KSR2: variants seen among roughly 807,000 people sequenced by gnomAD.
KSR2 encodes kinase suppressor of ras 2.
A neutral mutation model predicts 107.8 loss-of-function variants in KSR2; 25 were observed. The ratio of observed to expected loss-of-function variants is 0.23; its 90% CI spans 0.17 to 0.32. The LOEUF (loss-of-function observed/expected upper bound fraction) is 0.32, where lower values mean the gene tolerates loss of function less well. Ranked by LOEUF, KSR2 falls within the 10% of genes least tolerant of loss-of-function variation. KSR2 has a pLI of 1.00. For synonymous variants in KSR2, 480 were observed against 507.0 expected (o/e 0.95, Z 0.71); for missense variants, 887 against 1,268.9 (o/e 0.70, Z 4.57).
chr12:117,563,303 T>G (rs1014789005), intron 7 of KSR2, among the ~76,000 whole-genome samples: 2 of 152,140 alleles, frequency 1.3e-5, no homozygotes, highest in Admixed American at 1.3e-4. Flanking sequence ...ACATTCTACT[T>G]CCCAGATGAG....
intron 10 of KSR2, 99 bp downstream of exon 10, chr12:117,539,618 CAG>C (rs1167589053): frequency 8.4e-7 from 1 of 1,190,822 alleles, no homozygotes; most frequent in Non-Finnish European, 1.1e-6. Context: ...CGCTTTCCTG[CAG>C]AGACTTGCTG....
At chr12:117,481,605 C>T (rs1262560998) in intron 16 of KSR2, among the ~76,000 whole-genome samples, 1 of 152,134 alleles carries the variant, frequency 6.6e-6, no homozygotes, top group Non-Finnish European at 1.5e-5. Flanking sequence ...TTGTTTAAAC[C>T]CCTGAGTCTG....
In KSR2 at chr12:117,774,919, T is replaced by C. The variant is rs551282099; in HGVS notation, c.473-13395A>G. ...TTTATATGAATGGAATCCTACGCTA[T>C]GTGGTCTTTCGTGTCTGGCTTCTTT... On this transcript the variant is annotated intron_variant, in intron 3 of 19. Coordinates refer to ENST00000339824, the MANE Select transcript of KSR2 (RefSeq NM_173598.6). Among the ~76,000 whole-genome samples the C allele has an allele frequency of 7.2e-5, 11 of 152,352 alleles. No homozygotes were observed. The South Asian group carries it at 1.9e-3, about 26-fold the overall frequency.
At chr12:117,475,165 T>C (rs762610713) in intron 17 of KSR2, among the ~76,000 whole-genome samples, 1 of 152,186 alleles carries the variant, frequency 6.6e-6, no homozygotes, top group African/African-American at 2.4e-5. Flanking sequence ...AGTGATCTGA[T>C]TGATCTAAAA....
At chr12:117,737,938 T>C (rs1206911049) in intron 4 of KSR2, among the ~76,000 whole-genome samples, 1 of 152,138 alleles carries the variant, frequency 6.6e-6, no homozygotes, top group Non-Finnish European at 1.5e-5. Flanking sequence ...CCAGCGTACC[T>C]CTTAAAGTCA....
chr12:117,477,910 TA>T, intron 16 of KSR2, among the ~76,000 whole-genome samples: 1 of 152,284 alleles, frequency 6.6e-6, no homozygotes, highest in South Asian at 2.1e-4. Context: ...ATTCCTTAGG[TA>T]AATTCTTAGA....
chr12:117,697,714 T>C (rs536113129), intron 4 of KSR2, among the ~76,000 whole-genome samples: 1,529 of 133,400 alleles, frequency 0.011, 30 homozygotes, highest in Middle Eastern at 0.019. Flanking sequence ...CACCCTAGCC[T>C]GGGCAACAGA....
chr12:117,786,608 G>C (rs1238806359), intron 3 of KSR2, among the ~76,000 whole-genome samples: 2 of 152,116 alleles, frequency 1.3e-5, no homozygotes, highest in Non-Finnish European at 2.9e-5. Context: ...CTGAGCTCAG[G>C]AGTTTGAGAC....
chr12:117,642,355 T>C (rs921458158), intron 5 of KSR2, among the ~76,000 whole-genome samples: 2 of 152,170 alleles, frequency 1.3e-5, no homozygotes, highest in African/African-American at 4.8e-5. Flanking sequence ...GAAGGAGGAA[T>C]GACTCTTGAA....
intron 16 of KSR2, among the ~76,000 whole-genome samples, chr12:117,481,782 T>C (rs1872190913): frequency 6.6e-6 from 1 of 152,122 alleles, no homozygotes; most frequent in African/African-American, 2.4e-5. Flanking sequence ...CTCTCTCCAC[T>C]CCTATAATCC....
At chr12:117,797,204 T>G (rs1049016781) in intron 3 of KSR2, among the ~76,000 whole-genome samples, 1 of 152,146 alleles carries the variant, frequency 6.6e-6, no homozygotes, top group South Asian at 2.1e-4. Context: ...GCAGCCCTAT[T>G]CACAATAGCC....
chr12:117,528,362 G>T (rs528479035), intron 12 of KSR2, among the ~76,000 whole-genome samples: 55 of 152,210 alleles, frequency 3.6e-4, no homozygotes, highest in African/African-American at 1.3e-3. Flanking sequence ...GCTATTGAAG[G>T]CATGGAAGAG....
chr12:117,606,582 CTT>C, intron 5 of KSR2, among the ~76,000 whole-genome samples: 1 of 21,246 alleles, frequency 4.7e-5, no homozygotes, highest in East Asian at 4.5e-3. Flanking sequence ...CCTCCCTTCC[CTT>C]CTTCCTTCCT....
At chr12:117,781,781 G>C (rs1160140355) in intron 3 of KSR2, among the ~76,000 whole-genome samples, 1 of 152,066 alleles carries the variant, frequency 6.6e-6, no homozygotes, top group African/African-American at 2.4e-5. Flanking sequence ...ACCCTCCCTG[G>C]CACCCAGCCT....
intron 14 of KSR2, among the ~76,000 whole-genome samples, chr12:117,508,655 G>A (rs1365870461): frequency 6.6e-6 from 1 of 151,906 alleles, no homozygotes; most frequent in Non-Finnish European, 1.5e-5. Context: ...GGTGGGAAGT[G>A]GATAGGTGGA....
intron 1 of KSR2, among the ~76,000 whole-genome samples, chr12:117,908,507 A>G (rs1894921067): frequency 6.6e-6 from 1 of 152,246 alleles, no homozygotes; most frequent in South Asian, 2.1e-4. Flanking sequence ...TCCACAGCTT[A>G]GATCGTTACA....
intron 5 of KSR2, among the ~76,000 whole-genome samples, chr12:117,617,763 T>C (rs948752155): frequency 2.0e-5 from 3 of 152,192 alleles, no homozygotes; most frequent in African/African-American, 7.2e-5. Flanking sequence ...TTCATTGTGG[T>C]AGCATTTATA....
At chr12:117,825,393 A>C (rs983638904) in intron 3 of KSR2, among the ~76,000 whole-genome samples, 16 of 152,202 alleles carry the variant, frequency 1.1e-4, no homozygotes, top group Admixed American at 7.9e-4. Flanking sequence ...GGATAGGTGC[A>C]TGGGTCGGGG....
chr12:117,839,717 C>A (rs1892385889), intron 3 of KSR2, among the ~76,000 whole-genome samples: 1 of 152,126 alleles, frequency 6.6e-6, no homozygotes, highest in African/African-American at 2.4e-5. Context: ...CAGGAGTTGC[C>A]TAAGCCATGG....
Sources: gnomAD v4.1 joint callset for allele counts (sites outside exome capture counted in the v4.1 genomes callset) on GRCh38, gnomAD v4.1.1 for gene constraint, MANE v1.5 for transcripts, NCBI Gene and HGNC (gene_info 2026-07-23, HGNC 2026-07-21) for gene names.